The following CRYL1 variants were observed in gnomAD, a reference collection of about 807,000 sequenced individuals.
CRYL1 encodes crystallin lambda 1, also known as lambda-crystallin homolog.
Under a neutral mutation model 36.6 loss-of-function variants are expected in CRYL1, and 29 were observed. The observed-to-expected ratio is 0.79, with a 90% CI of 0.59 to 1.08. The LOEUF (loss-of-function observed/expected upper bound fraction) is 1.08. Ranked by LOEUF, CRYL1 falls within the 50% of genes least tolerant of loss-of-function variation. The pLI, the probability that CRYL1 is intolerant of heterozygous loss-of-function variation, is 0.00. For synonymous variants in CRYL1, 152 were observed against 151.5 expected (o/e 1.00, Z -0.02); for missense variants, 411 against 407.9 (o/e 1.01, Z -0.06).
rs751850406 is a variant in CRYL1, at chr13:20,403,910, C to T, written c.*219G>A. On this transcript the variant is annotated 3_prime_UTR_variant, in exon 8 of 8. Coordinates refer to ENST00000298248, the MANE Select transcript of CRYL1 (RefSeq NM_015974.3). Reference sequence around the variant, plus strand: ...GCCCAGGTGGCAGGAAATCGACAGCCCCGAGAACGCAAGTGCTGCTGTGCC... The same window carrying T: ...GCCCAGGTGGCAGGAAATCGACAGCTCCGAGAACGCAAGTGCTGCTGTGCC... 5.1e-6 allele frequency: 2 copies of T among 391,072 alleles called. No homozygotes were observed. The highest frequency in any genetic ancestry group is 9.1e-6 in the Non-Finnish European group (2 of 219,930). The allele number at this position is 391,072 out of a possible 1,614,324, so 24.2% of individuals were successfully genotyped here.
intron 3 of CRYL1, among the ~76,000 whole-genome samples, chr13:20,469,172 A>G (rs751049229): frequency 3.3e-5 from 5 of 152,218 alleles, no homozygotes; most frequent in Non-Finnish European, 5.9e-5. Flanking sequence ...GTCTAAAAAC[A>G]TATAGGCCAT....
intron 3 of CRYL1, among the ~76,000 whole-genome samples, chr13:20,440,666 T>C (rs2032330683): frequency 6.6e-6 from 1 of 152,332 alleles, no homozygotes; most frequent in South Asian, 2.1e-4. Context: ...TCAACAGATC[T>C]TTAAGGAAAA....
At chr13:20,484,838 T>G (rs1409192793) in intron 3 of CRYL1, among the ~76,000 whole-genome samples, 1 of 152,196 alleles carries the variant, frequency 6.6e-6, no homozygotes, top group African/African-American at 2.4e-5. Context: ...TGTCCTAAAC[T>G]TTCTTTACAA....
intron 2 of CRYL1, among the ~76,000 whole-genome samples, chr13:20,490,877 G>A (rs892883869): frequency 6.6e-6 from 1 of 151,926 alleles, no homozygotes; most frequent in African/African-American, 2.4e-5. Context: ...TTTGCTTTTT[G>A]GGTTTTGTTT....
chr13:20,418,938 A>G (rs2031735396), intron 5 of CRYL1: 1 of 152,226 alleles, frequency 6.6e-6, no homozygotes, highest in Non-Finnish European at 1.5e-5. Context: ...GGTGAGTGTC[A>G]AATAAAGAAA....
At chr13:20,480,382 CA>C (rs1157623995) in intron 3 of CRYL1, among the ~76,000 whole-genome samples, 14 of 135,684 alleles carry the variant, frequency 1.0e-4, no homozygotes, top group East Asian at 2.2e-4. Context: ...AACTCTGTCT[CA>C]AAAAAAAAAA....
intron 5 of CRYL1, among the ~76,000 whole-genome samples, chr13:20,417,693 C>G (rs2031705399): frequency 6.6e-6 from 1 of 152,096 alleles, no homozygotes; most frequent in South Asian, 2.1e-4. Context: ...TAGTTAAAAC[C>G]TGAGATTTTT....
At chr13:20,514,513 G>A (rs1426863034) in intron 1 of CRYL1, among the ~76,000 whole-genome samples, 1 of 152,208 alleles carries the variant, frequency 6.6e-6, no homozygotes, top group Non-Finnish European at 1.5e-5. Flanking sequence ...GTTTAGATGA[G>A]TCAAAAGAGA....
At chr13:20,505,906 G>A (rs978301507) in intron 2 of CRYL1, among the ~76,000 whole-genome samples, 1 of 152,170 alleles carries the variant, frequency 6.6e-6, no homozygotes. Context: ...CATACACGGT[G>A]TTGCTGTTGA....
At chr13:20,493,303 C>T (rs897006700) in intron 2 of CRYL1, among the ~76,000 whole-genome samples, 3 of 152,248 alleles carry the variant, frequency 2.0e-5, no homozygotes, top group African/African-American at 7.2e-5. Context: ...CATAGGCAGC[C>T]GGTGGTGGCT....
chr13:20,500,918 AAAAAAAAAGT>A, intron 2 of CRYL1, among the ~76,000 whole-genome samples: 2 of 151,584 alleles, frequency 1.3e-5, no homozygotes, highest in South Asian at 4.2e-4. Flanking sequence ...AGGCATCTCA[AAAAAAAAAGT>A]GTTGAAGAAC....
chr13:20,487,654 C>T (rs565226541), intron 3 of CRYL1, among the ~76,000 whole-genome samples: 1 of 152,196 alleles, frequency 6.6e-6, no homozygotes, highest in African/African-American at 2.4e-5. Flanking sequence ...TGGTTTATGC[C>T]TATAATCCAA....
At chr13:20,408,926 A>T (rs575065503) in intron 6 of CRYL1, among the ~76,000 whole-genome samples, 1 of 152,358 alleles carries the variant, frequency 6.6e-6, no homozygotes, top group Admixed American at 6.5e-5. Context: ...CACACTGCCC[A>T]AGGTAATTTA....
intron 3 of CRYL1, among the ~76,000 whole-genome samples, chr13:20,454,854 T>C (rs566057061): frequency 2.0e-5 from 3 of 152,148 alleles, no homozygotes; most frequent in Non-Finnish European, 2.9e-5. Context: ...CTCCTTAACA[T>C]TGGGAATAAG....
intron 4 of CRYL1, among the ~76,000 whole-genome samples, chr13:20,436,041 C>G (rs147463975): frequency 6.6e-6 from 1 of 152,214 alleles, no homozygotes; most frequent in Non-Finnish European, 1.5e-5. Context: ...GACAGCAAGC[C>G]CATACATCCA....
At chr13:20,468,675 G>A (rs543360168) in intron 3 of CRYL1, among the ~76,000 whole-genome samples, 2 of 152,072 alleles carry the variant, frequency 1.3e-5, no homozygotes, top group Non-Finnish European at 2.9e-5. Context: ...GCACAATCTC[G>A]GCTCACTGCA....
At chr13:20,430,239 T>C (rs2032028459) in intron 5 of CRYL1, 17 of 984,748 alleles carry the variant, frequency 1.7e-5, no homozygotes, top group Non-Finnish European at 2.1e-5. Context: ...CTTTGGGTTT[T>C]ACTCACATTT....
intron 1 of CRYL1, among the ~76,000 whole-genome samples, chr13:20,522,911 C>CTTGTTTTTTTTTTTTTTTTT (rs2034122121): frequency 1.2e-5 from 1 of 82,956 alleles, no homozygotes; most frequent in African/African-American, 4.5e-5. Context: ...CCCATTTCTA[C>CTTGTTTTTTTTTTTTTTTTT]TTTTTTTTTT....
At chr13:20,451,182 A>G (rs1355886374) in intron 3 of CRYL1, among the ~76,000 whole-genome samples, 1 of 152,174 alleles carries the variant, frequency 6.6e-6, no homozygotes, top group Non-Finnish European at 1.5e-5. Context: ...CACGTTGTGC[A>G]CATGTATCCT....
Sources: allele counts gnomAD v4.1 joint callset (sites outside exome capture counted in the v4.1 genomes callset), GRCh38; gene constraint gnomAD v4.1.1; transcripts MANE v1.5; gene names NCBI Gene and HGNC (gene_info 2026-07-23, HGNC 2026-07-21).